RSRC1: variants seen among roughly 807,000 people sequenced by gnomAD.
The protein encoded by RSRC1 is serine/Arginine-related protein 53.
RSRC1 carries 39 observed loss-of-function variants against 49.1 expected under a neutral mutation model. The observed-to-expected ratio is 0.79, with a 90% CI of 0.61 to 1.04. RSRC1 has a LOEUF of 1.04. Among genes scored for constraint, RSRC1 ranks in the 50% least tolerant of loss-of-function variants. The pLI is 0.00. For missense variants in RSRC1, 388 were observed against 402.4 expected, an observed-to-expected ratio of 0.96 and a Z score of 0.31; for synonymous variants, 143 against 130.8, an observed-to-expected ratio of 1.09 and a Z score of -0.63.
chr3:158,510,196 A>G (rs1014216362), intron 7 of RSRC1, among the ~76,000 whole-genome samples: 1 of 152,184 alleles, frequency 6.6e-6, no homozygotes, highest in Non-Finnish European at 1.5e-5. Flanking sequence ...CATTTCCAAG[A>G]TTACTAATGG....
intron 4 of RSRC1, among the ~76,000 whole-genome samples, chr3:158,241,410 C>T (rs1723569220): frequency 6.6e-6 from 1 of 151,992 alleles, no homozygotes. Context: ...GATTATGCTA[C>T]TGCACTCCAG....
At chr3:158,253,674 C>T (rs530467674) in intron 4 of RSRC1, among the ~76,000 whole-genome samples, 8 of 152,116 alleles carry the variant, frequency 5.3e-5, no homozygotes, top group Non-Finnish European at 7.4e-5. Context: ...TTAAAATCTC[C>T]GGCTATTGTA....
In RSRC1 at chr3:158,502,423, G is replaced by A. The variant is rs143905602; in HGVS notation, c.653-34669G>A. Among the ~76,000 whole-genome samples the A allele has an allele frequency of 2.5e-4, 38 of 152,230 alleles. No individual in the cohort carries two copies. The East Asian group carries it at 4.2e-3, about 17-fold the overall frequency. Reference sequence around the variant, plus strand: ...GCATGTCTAGTTCTCTAGCAAGGCTGGGGAAGTTTTCCTCAATTATTCCCC... The same window carrying A: ...GCATGTCTAGTTCTCTAGCAAGGCTAGGGAAGTTTTCCTCAATTATTCCCC... On this transcript the variant is annotated intron_variant, in intron 7 of 9. Transcript: ENST00000611884.
chr3:158,326,108 A>T (rs1729117787), intron 5 of RSRC1, among the ~76,000 whole-genome samples: 2 of 152,150 alleles, frequency 1.3e-5, no homozygotes. Context: ...GAAGTTGCTT[A>T]TCAGCTTAAG....
chr3:158,294,738 C>T (rs1463233610), intron 4 of RSRC1, among the ~76,000 whole-genome samples: 1 of 152,106 alleles, frequency 6.6e-6, no homozygotes, highest in Non-Finnish European at 1.5e-5. Context: ...ACCACCCACA[C>T]CCTACACATG....
chr3:158,209,852 T>C (rs1721565639), intron 4 of RSRC1, among the ~76,000 whole-genome samples: 2 of 152,180 alleles, frequency 1.3e-5, no homozygotes, highest in Admixed American at 6.6e-5. Flanking sequence ...TTATAAGCAG[T>C]GTGAATAAGA....
chr3:158,512,422 T>G (rs1055659749), intron 7 of RSRC1, among the ~76,000 whole-genome samples: 12 of 150,296 alleles, frequency 8.0e-5, no homozygotes, highest in African/African-American at 2.7e-4. Flanking sequence ...ATCAGATAGT[T>G]GTAGATATGC....
Position 158,207,981 on chromosome 3 carries a change from T to G in RSRC1, c.494+4736T>G, listed in dbSNP as rs142793438. 1.4e-3 allele frequency among the ~76,000 whole-genome samples: 218 copies of G among 152,264 alleles called. 2 individuals are homozygous for G. In the East Asian group the frequency reaches 0.036, roughly 25 times the overall value. ...CGTCTTATAATGTCATAAATTGGCC[T>G]GCTAATTTTATTTATCTACAGATTT... On this transcript the variant is annotated intron_variant, in intron 4 of 9. Coordinates refer to ENST00000611884, the MANE Select transcript of RSRC1 (RefSeq NM_001271838.2).
rs1017338753 is a variant in RSRC1 at position 158,122,379 on chromosome 3, A to G, written c.194+81A>G. The G allele has an allele frequency of 2.7e-6, 3 of 1,114,190 alleles. No homozygotes were observed. The African/African-American group carries it at 4.9e-5, about 18-fold the overall frequency. The allele number at this position is 1,114,190 out of a possible 1,614,324, so 69.0% of individuals were successfully genotyped here. Reference sequence around the variant, plus strand: ...ATGTTTTTGTATTTTTAATTTTGCTAGATAAAACATTTTTCTTTTACTAGC... The same window carrying G: ...ATGTTTTTGTATTTTTAATTTTGCTGGATAAAACATTTTTCTTTTACTAGC... On this transcript the variant is annotated intron_variant, in intron 2 of 9. Coordinates refer to ENST00000611884, the MANE Select transcript of RSRC1 (RefSeq NM_001271838.2).
intron 7 of RSRC1, among the ~76,000 whole-genome samples, chr3:158,533,578 C>T (rs982049778): frequency 5.9e-5 from 9 of 151,630 alleles, no homozygotes; most frequent in African/African-American, 1.7e-4. Flanking sequence ...TCACCTCTGA[C>T]ATTTAATACT....
intron 3 of RSRC1, among the ~76,000 whole-genome samples, chr3:158,188,939 A>G (rs1050223507): frequency 1.3e-5 from 2 of 150,934 alleles, no homozygotes; most frequent in Non-Finnish European, 3.0e-5. Flanking sequence ...TTCTTTTCTT[A>G]TATGTACACT....
chr3:158,507,952 A>T (rs1255102559), intron 7 of RSRC1, among the ~76,000 whole-genome samples: 1 of 152,098 alleles, frequency 6.6e-6, no homozygotes, highest in Non-Finnish European at 1.5e-5. Context: ...ACACGCCTGC[A>T]ATCCTAGCTA....
chr3:158,516,959 G>A (rs1336834581), intron 7 of RSRC1, among the ~76,000 whole-genome samples: 4 of 152,160 alleles, frequency 2.6e-5, no homozygotes, highest in African/African-American at 9.7e-5. Context: ...TTTGGCTCGT[G>A]CACGGTGCAC....
chr3:158,433,741 A>G (rs1377794857), intron 6 of RSRC1, among the ~76,000 whole-genome samples: 4 of 152,022 alleles, frequency 2.6e-5, no homozygotes, highest in Non-Finnish European at 4.4e-5. Context: ...AAACAATTCT[A>G]AAAATCATCC....
chr3:158,473,796 T>C (rs943301786), intron 7 of RSRC1, among the ~76,000 whole-genome samples: 3 of 152,134 alleles, frequency 2.0e-5, no homozygotes, highest in Non-Finnish European at 2.9e-5. Flanking sequence ...TAATATAAAA[T>C]GAAGTTAAGC....
intron 6 of RSRC1, among the ~76,000 whole-genome samples, chr3:158,407,868 TCTTA>T (rs1191313089): frequency 1.3e-5 from 2 of 152,188 alleles, no homozygotes; most frequent in African/African-American, 2.4e-5. Flanking sequence ...CATCTTCCAG[TCTTA>T]CTTACAGATC....
At chr3:158,130,690 G>T (rs1215213289) in intron 3 of RSRC1, among the ~76,000 whole-genome samples, 1 of 152,144 alleles carries the variant, frequency 6.6e-6, no homozygotes, top group Non-Finnish European at 1.5e-5. Context: ...TCTCAGATAT[G>T]GGATTTTCCA....
chr3:158,160,053 T>G (rs1342165897), intron 3 of RSRC1, among the ~76,000 whole-genome samples: 2 of 152,126 alleles, frequency 1.3e-5, no homozygotes, highest in Non-Finnish European at 2.9e-5. Flanking sequence ...CACACTACAT[T>G]TGATGGGGTC....
chr3:158,195,385 A>G (rs1720531067), intron 3 of RSRC1, among the ~76,000 whole-genome samples: 1 of 148,770 alleles, frequency 6.7e-6, no homozygotes, highest in Non-Finnish European at 1.5e-5. Flanking sequence ...TTCATTGTAG[A>G]TTCTGGATAT....
Sources: allele counts gnomAD v4.1 joint callset (sites outside exome capture counted in the v4.1 genomes callset), GRCh38; gene constraint gnomAD v4.1.1; transcripts MANE v1.5; gene names NCBI Gene and HGNC (gene_info 2026-07-23, HGNC 2026-07-21).